Variants in EPB41L2 observed in about 807,000 individuals in gnomAD.
EPB41L2 encodes erythrocyte membrane protein band 4.1 like 2, also known as band 4.1-like protein 2.
Under a neutral mutation model 113.0 loss-of-function variants are expected in EPB41L2, and 43 were observed. That is an observed-to-expected ratio of 0.38 (90% CI 0.30 to 0.49). EPB41L2 has a LOEUF of 0.49. Ranked by LOEUF, EPB41L2 falls within the 20% of genes least tolerant of loss-of-function variation. The pLI, the probability that EPB41L2 is intolerant of heterozygous loss-of-function variation, is 0.95. For missense variants in EPB41L2, 1,147 were observed against 1,223.4 expected, an observed-to-expected ratio of 0.94 and a Z score of 0.93; for synonymous variants, 442 against 436.7, an observed-to-expected ratio of 1.01 and a Z score of -0.15.
intron 11 of EPB41L2, among the ~76,000 whole-genome samples, chr6:130,889,452 GA>G (rs898005695): frequency 2.0e-5 from 3 of 151,860 alleles, no homozygotes; most frequent in Non-Finnish European, 2.9e-5. Context: ...AATTCTAATA[GA>G]AAAAAATTCA....
chr6:130,901,244 A>G (rs1796221177), intron 6 of EPB41L2, 64 bp from the exon 7 acceptor site: 1 of 1,436,000 alleles, frequency 7.0e-7, no homozygotes, highest in East Asian at 2.3e-5. Context: ...GAGCACTCAC[A>G]GTCCTTAAAA....
chr6:130,972,086 G>A (rs533080972), intron 1 of EPB41L2, among the ~76,000 whole-genome samples: 2 of 152,234 alleles, frequency 1.3e-5, no homozygotes, highest in South Asian at 2.1e-4. Flanking sequence ...AATTTTGTGA[G>A]GCCGATGTGG....
chr6:131,037,689 A>G (rs922633615), intron 1 of EPB41L2, among the ~76,000 whole-genome samples: 1 of 150,962 alleles, frequency 6.6e-6, no homozygotes, highest in Non-Finnish European at 1.5e-5. Context: ...CCTGGGCTCA[A>G]GCGATTCTCC....
intron 3 of EPB41L2, among the ~76,000 whole-genome samples, chr6:130,945,427 C>G (rs1812468764): frequency 6.6e-6 from 1 of 152,160 alleles, no homozygotes; most frequent in Non-Finnish European, 1.5e-5. Flanking sequence ...CATTGTTAGC[C>G]TTATTCATAA....
chr6:130,943,395 C>T (rs1811573056), intron 3 of EPB41L2, among the ~76,000 whole-genome samples: 1 of 152,216 alleles, frequency 6.6e-6, no homozygotes, highest in Admixed American at 6.5e-5. Context: ...TCTAACCTTA[C>T]TCGACCCTGA....
At chr6:130,938,784 A>G (rs1421666954) in intron 3 of EPB41L2, among the ~76,000 whole-genome samples, 1 of 152,172 alleles carries the variant, frequency 6.6e-6, no homozygotes, top group Non-Finnish European at 1.5e-5. Flanking sequence ...TAAAATACAG[A>G]GATCTCTTAG....
intron 1 of EPB41L2, among the ~76,000 whole-genome samples, chr6:130,989,217 A>G (rs1026979007): frequency 2.0e-5 from 3 of 152,348 alleles, no homozygotes; most frequent in East Asian, 3.9e-4. Flanking sequence ...GACACATGTG[A>G]TAACTGCCTT....
intron 1 of EPB41L2, among the ~76,000 whole-genome samples, chr6:131,029,296 G>A (rs1791541904): frequency 1.4e-5 from 2 of 144,670 alleles, no homozygotes; most frequent in South Asian, 2.2e-4. Flanking sequence ...GAATACTGAT[G>A]TTTTTTTCTG....
chr6:130,948,704 A>C (rs1410209923), intron 3 of EPB41L2, among the ~76,000 whole-genome samples: 1 of 152,204 alleles, frequency 6.6e-6, no homozygotes, highest in Non-Finnish European at 1.5e-5. Flanking sequence ...AAAGGTCAGG[A>C]GATAAAAGGC....
intron 3 of EPB41L2, among the ~76,000 whole-genome samples, chr6:130,952,610 C>G (rs147718725): frequency 1.3e-5 from 2 of 152,052 alleles, no homozygotes; most frequent in African/African-American, 4.8e-5. Context: ...GTCAGGTGAT[C>G]GAGACCATCC....
intron 1 of EPB41L2, among the ~76,000 whole-genome samples, chr6:130,976,596 A>G (rs1156470878): frequency 6.6e-6 from 1 of 152,228 alleles, no homozygotes; most frequent in Admixed American, 6.5e-5. Flanking sequence ...AAAATGGACA[A>G]AAGAATAAAA....
intron 1 of EPB41L2, among the ~76,000 whole-genome samples, chr6:131,052,265 C>T (rs376968861): frequency 6.2e-4 from 95 of 152,148 alleles, no homozygotes; most frequent in African/African-American, 2.1e-3. Context: ...GGCCAAGATC[C>T]AAAAACAGTT....
chr6:130,937,278 TA>T (rs1183041564), intron 3 of EPB41L2, among the ~76,000 whole-genome samples: 1 of 152,236 alleles, frequency 6.6e-6, no homozygotes, highest in African/African-American at 2.4e-5. Context: ...CTAAAAACCC[TA>T]AAATTTTTTT....
intron 12 of EPB41L2, among the ~76,000 whole-genome samples, chr6:130,883,577 T>C (rs970850901): frequency 6.6e-6 from 1 of 152,218 alleles, no homozygotes; most frequent in Admixed American, 6.5e-5. Flanking sequence ...ACTTTTTCAT[T>C]TTTTAAGGAA....
chr6:130,973,773 A>G (rs555098576), intron 1 of EPB41L2, among the ~76,000 whole-genome samples: 20 of 152,272 alleles, frequency 1.3e-4, no homozygotes, highest in South Asian at 4.2e-4. Flanking sequence ...GATCAAATCA[A>G]TGTTCATCTT....
chr6:131,010,353 C>A (rs1457569222), intron 1 of EPB41L2, among the ~76,000 whole-genome samples: 1 of 151,972 alleles, frequency 6.6e-6, no homozygotes, highest in East Asian at 1.9e-4. Flanking sequence ...TGCTGGACAT[C>A]AAGGGCCATT....
At chr6:130,844,657 T>G (rs1293369633) in intron 19 of EPB41L2, among the ~76,000 whole-genome samples, 3 of 152,252 alleles carry the variant, frequency 2.0e-5, no homozygotes, top group Non-Finnish European at 4.4e-5. Flanking sequence ...ATTTGACAGT[T>G]ATTTCAAATG....
At chr6:130,840,997 G>A (rs1583422565) in intron 19 of EPB41L2, among the ~76,000 whole-genome samples, 1 of 152,018 alleles carries the variant, frequency 6.6e-6, no homozygotes, top group East Asian at 1.9e-4. Context: ...TGCTTCAGGT[G>A]GAAAAACACA....
intron 14 of EPB41L2, among the ~76,000 whole-genome samples, chr6:130,871,099 A>T (rs1166540334): frequency 6.6e-6 from 1 of 152,224 alleles, no homozygotes; most frequent in Non-Finnish European, 1.5e-5. Context: ...TCTTGGGAGT[A>T]AAGTAATTTA....
Sources: allele counts gnomAD v4.1 joint callset (sites outside exome capture counted in the v4.1 genomes callset), GRCh38; gene constraint gnomAD v4.1.1; transcripts MANE v1.5; gene names NCBI Gene and HGNC (gene_info 2026-07-23, HGNC 2026-07-21).